The following LGSN variants were observed in gnomAD, a reference collection of about 807,000 sequenced individuals.
The protein encoded by LGSN is lengsin.
In LGSN, 21 loss-of-function variants were observed where a neutral mutation model predicts 19.5. That is an observed-to-expected ratio of 1.07 (90% CI 0.76 to 1.55). LGSN has a LOEUF of 1.55. LGSN is among the 40% of genes most tolerant of loss of function. LGSN has a pLI of 0.00. For missense variants in LGSN, 673 were observed against 608.5 expected (o/e 1.11, Z -1.12); for synonymous variants, 257 against 215.6 (o/e 1.19, Z -1.68).
the LGSN span, among the ~76,000 whole-genome samples, chr6:63,508,020 A>T: frequency 6.6e-6 from 1 of 150,546 alleles, no homozygotes; most frequent in African/African-American, 2.5e-5. Context: ...ACCTAGTTGG[A>T]TCCTAATTTT....
the LGSN span, among the ~76,000 whole-genome samples, chr6:63,372,793 C>A: frequency 2.0e-5 from 3 of 151,852 alleles, no homozygotes; most frequent in Non-Finnish European, 4.4e-5. Flanking sequence ...AAGAAAAAAA[C>A]AAACCATGAC....
At chr6:63,321,687 T>C (rs1007373282), upstream of LGSN, among the ~76,000 whole-genome samples, 4 of 152,170 alleles carry the variant, frequency 2.6e-5, no homozygotes, top group East Asian at 1.9e-4. Flanking sequence ...ATTTTAAAAG[T>C]ATTACCATTA....
the LGSN span, among the ~76,000 whole-genome samples, chr6:63,545,602 C>T: frequency 6.6e-6 from 1 of 151,754 alleles, no homozygotes; most frequent in Non-Finnish European, 1.5e-5. Context: ...CAGAGCAAGA[C>T]TCTGTCTCAA....
intron 1 of LGSN, among the ~76,000 whole-genome samples, chr6:63,301,164 A>G (rs888771829): frequency 2.0e-5 from 3 of 152,092 alleles, no homozygotes; most frequent in African/African-American, 7.2e-5. Flanking sequence ...TGTGGCACAC[A>G]TCTGTAACCA....
the LGSN span, among the ~76,000 whole-genome samples, chr6:63,442,247 A>C: frequency 6.6e-6 from 1 of 152,218 alleles, no homozygotes; most frequent in African/African-American, 2.4e-5. Context: ...GTTATAGCTC[A>C]TAAAGGCGGC....
chr6:63,466,314 C>T, the LGSN span, among the ~76,000 whole-genome samples: 1 of 152,122 alleles, frequency 6.6e-6, no homozygotes, highest in Non-Finnish European at 1.5e-5. Context: ...AGCTGGAATG[C>T]AGTGGTGCAA....
chr6:63,515,019 T>C, the LGSN span, among the ~76,000 whole-genome samples: 2 of 152,032 alleles, frequency 1.3e-5, no homozygotes, highest in Non-Finnish European at 2.9e-5. Context: ...TGTTTGTTTT[T>C]TGAGACAAGG....
chr6:63,339,860 T>C, the LGSN span, among the ~76,000 whole-genome samples: 1 of 152,194 alleles, frequency 6.6e-6, no homozygotes, highest in African/African-American at 2.4e-5. Context: ...GTAACTTTTA[T>C]ATTCTCATGT....
At chr6:63,362,747 C>T in the LGSN span, among the ~76,000 whole-genome samples, 3 of 152,274 alleles carry the variant, frequency 2.0e-5, no homozygotes, top group East Asian at 5.8e-4. Context: ...GCCTGCCTGC[C>T]TCTGTAGACT....
At chr6:63,452,862 T>C in the LGSN span, among the ~76,000 whole-genome samples, 1 of 152,052 alleles carries the variant, frequency 6.6e-6, no homozygotes, top group African/African-American at 2.4e-5. Flanking sequence ...TTTTTTCTAG[T>C]ATGTTAAGAT....
At chr6:63,308,544 G>T (rs980025265) in intron 1 of LGSN, among the ~76,000 whole-genome samples, 3 of 150,284 alleles carry the variant, frequency 2.0e-5, no homozygotes, top group East Asian at 2.0e-4. Flanking sequence ...AGTTATTTAG[G>T]TTCTAAATAT....
chr6:63,330,754 A>G, the LGSN span, among the ~76,000 whole-genome samples: 3 of 152,192 alleles, frequency 2.0e-5, no homozygotes, highest in African/African-American at 7.2e-5. Context: ...CCAGTAGGGA[A>G]TTTGTCCCTT....
chr6:63,314,318 T>C (rs1446329340), intron 1 of LGSN, among the ~76,000 whole-genome samples: 1 of 152,184 alleles, frequency 6.6e-6, no homozygotes, highest in African/African-American at 2.4e-5. Flanking sequence ...TATGTACATC[T>C]ACCAGCCAGA....
chr6:63,434,306 GGT>G, the LGSN span, among the ~76,000 whole-genome samples: 5 of 151,382 alleles, frequency 3.3e-5, no homozygotes, highest in Middle Eastern at 0.011. Context: ...CAGACATGGT[GGT>G]GGGCGCCTGT....
At chr6:63,521,492 TA>T in the LGSN span, among the ~76,000 whole-genome samples, 1 of 152,076 alleles carries the variant, frequency 6.6e-6, no homozygotes, top group Admixed American at 6.6e-5. Flanking sequence ...AGAAAATACA[TA>T]AACAACACAT....
Position 63,276,661 on chromosome 6 carries a change from A to G in LGSN, c.*3360T>C, listed in dbSNP as rs1007018990. On this transcript the variant is annotated 3_prime_UTR_variant, in exon 4 of 4. Coordinates refer to ENST00000370657, the MANE Select transcript of LGSN (RefSeq NM_016571.3). ...ATTATTTATGTTCTGCTTAAGATAC[A>G]CAGATCCAAAACTCTTTCATTGTCT... The G allele has an allele frequency of 6.6e-6, 1 of 152,224 alleles. No homozygotes were observed. The highest frequency in any genetic ancestry group is 6.5e-5 in the Admixed American group (1 of 15,284). 9.4% of individuals were successfully genotyped at this position (152,224 alleles called of 1,614,324 possible).
chr6:63,567,993 A>T, the LGSN span, among the ~76,000 whole-genome samples: 3 of 152,216 alleles, frequency 2.0e-5, no homozygotes, highest in Non-Finnish European at 4.4e-5. Flanking sequence ...CTCAGCCTTC[A>T]TAAAAATGAA....
the LGSN span, among the ~76,000 whole-genome samples, chr6:63,375,951 G>A: frequency 6.6e-6 from 1 of 152,068 alleles, no homozygotes; most frequent in South Asian, 2.1e-4. Context: ...CAAATGAAGT[G>A]AATGTTGTAT....
chr6:63,452,646 G>A, the LGSN span, among the ~76,000 whole-genome samples: 1 of 114,298 alleles, frequency 8.7e-6, no homozygotes, highest in South Asian at 3.0e-4. Flanking sequence ...ATATTGGTAT[G>A]TTATCTTTCT....
Sources: allele counts gnomAD v4.1 joint callset (sites outside exome capture counted in the v4.1 genomes callset), GRCh38; gene constraint gnomAD v4.1.1; transcripts MANE v1.5; gene names NCBI Gene and HGNC (gene_info 2026-07-23, HGNC 2026-07-21).